Variants in TRAM2 observed in about 807,000 individuals in gnomAD.
TRAM2 encodes translocating chain-associated membrane protein 2.
A neutral mutation model predicts 51.0 loss-of-function variants in TRAM2; 12 were observed. The ratio of observed to expected loss-of-function variants is 0.24; its 90% CI spans 0.15 to 0.38. The LOEUF is 0.38. TRAM2 is among the 10% of genes least tolerant of loss of function. TRAM2 has a pLI of 1.00. For synonymous variants in TRAM2, 175 were observed against 179.4 expected, an observed-to-expected ratio of 0.98 and a Z score of 0.20; for missense variants, 361 against 462.0, an observed-to-expected ratio of 0.78 and a Z score of 2.00.
chr6:52,513,428 C>A (rs1766488174), intron 4 of TRAM2, among the ~76,000 whole-genome samples: 1 of 152,134 alleles, frequency 6.6e-6, no homozygotes, highest in Admixed American at 6.5e-5. Flanking sequence ...GCAGTGAGCA[C>A]CGTGCCTGCT....
chr6:52,504,792 G>C, intron 9 of TRAM2, 38 bp from the exon 10 acceptor site: 1 of 1,554,628 alleles, frequency 6.4e-7, no homozygotes, highest in Non-Finnish European at 8.7e-7. Context: ...GCTGGGGCTT[G>C]GGCTCACAGC....
intron 1 of TRAM2, among the ~76,000 whole-genome samples, chr6:52,537,733 C>A (rs1767001209): frequency 6.6e-6 from 1 of 152,122 alleles, no homozygotes; most frequent in Admixed American, 6.5e-5. Context: ...CCGTCCCGTT[C>A]CCATTTATCC....
chr6:52,522,835 C>T, intron 2 of TRAM2: 1 of 693,908 alleles, frequency 1.4e-6, no homozygotes, highest in Non-Finnish European at 2.6e-6. Context: ...TGCTTGACCT[C>T]CTGCTCCGTT....
At chr6:52,529,715 C>T (rs1032042586) in intron 2 of TRAM2, 1 of 152,182 alleles carries the variant, frequency 6.6e-6, no homozygotes, top group Non-Finnish European at 1.5e-5. Context: ...TCACCCAAGA[C>T]CATTCAGCGT....
chr6:52,570,647 T>C (rs1477251394), intron 1 of TRAM2, among the ~76,000 whole-genome samples: 1 of 152,050 alleles, frequency 6.6e-6, no homozygotes. Flanking sequence ...AGATGTAAAG[T>C]GCTGCCAGCC....
chr6:52,503,280 GGA>G lies in TRAM2; in HGVS notation c.1040-12_1040-11del. The G allele has an allele frequency of 1.9e-6, 3 of 1,612,872 alleles. No individual in the cohort carries two copies. The highest frequency in any genetic ancestry group is 1.7e-5 in the Admixed American group (1 of 60,032). ...CCATTTTCATGGTAACCTGGGAAGT[GGA>G]GAGAGACAAGCATACATGGTGTTTC... On this transcript the variant is annotated splice_polypyrimidine_tract_variant and intron_variant, in intron 10 of 10. Coordinates refer to ENST00000182527, the MANE Select transcript of TRAM2 (RefSeq NM_012288.4).
At chr6:52,530,392 A>G (rs1304450170) in intron 2 of TRAM2, among the ~76,000 whole-genome samples, 1 of 152,226 alleles carries the variant, frequency 6.6e-6, no homozygotes, top group Admixed American at 6.5e-5. Context: ...TCATAAATTT[A>G]TAGCTGGTGT....
chr6:52,504,130 CTA>C (rs1230668065), intron 10 of TRAM2, among the ~76,000 whole-genome samples: 142 of 152,220 alleles, frequency 9.3e-4, no homozygotes, highest in Admixed American at 8.4e-3. Flanking sequence ...CCACCTAGCA[CTA>C]TGTCACTGTG....
At chr6:52,549,588 T>C (rs908503131) in intron 1 of TRAM2, among the ~76,000 whole-genome samples, 1 of 152,200 alleles carries the variant, frequency 6.6e-6, no homozygotes, top group South Asian at 2.1e-4. Flanking sequence ...AAGAAAGCCA[T>C]TTCCTGTTGG....
At chr6:52,551,453 T>A (rs1767306638) in intron 1 of TRAM2, among the ~76,000 whole-genome samples, 1 of 152,108 alleles carries the variant, frequency 6.6e-6, no homozygotes, top group East Asian at 1.9e-4. Flanking sequence ...TCTAACGTTT[T>A]CAGGATAGAG....
intron 1 of TRAM2, among the ~76,000 whole-genome samples, chr6:52,544,771 T>A (rs1767168211): frequency 6.6e-6 from 1 of 152,196 alleles, no homozygotes; most frequent in Non-Finnish European, 1.5e-5. Context: ...ATATTCAGAA[T>A]CATCTTCAAA....
intron 2 of TRAM2, among the ~76,000 whole-genome samples, chr6:52,532,936 A>G (rs1766916920): frequency 6.6e-6 from 1 of 152,200 alleles, no homozygotes; most frequent in South Asian, 2.1e-4. Context: ...TAAGAGTTAT[A>G]TATCACTCAT....
chr6:52,572,090 G>C (rs963652403), intron 1 of TRAM2, among the ~76,000 whole-genome samples: 2 of 152,166 alleles, frequency 1.3e-5, no homozygotes, highest in East Asian at 3.9e-4. Flanking sequence ...AGAAAATCTA[G>C]CTCCAAATTT....
chr6:52,542,247 G>C (rs1275126972), intron 1 of TRAM2, among the ~76,000 whole-genome samples: 1 of 148,966 alleles, frequency 6.7e-6, no homozygotes, highest in African/African-American at 2.5e-5. Context: ...CAATTGGTGG[G>C]GAAGAGATTT....
chr6:52,547,915 T>C (rs1767236203), intron 1 of TRAM2, among the ~76,000 whole-genome samples: 1 of 152,192 alleles, frequency 6.6e-6, no homozygotes. Flanking sequence ...GCCATAACCA[T>C]GGGGCAATTC....
chr6:52,527,111 GGCTC>G (rs1363951388), intron 2 of TRAM2, among the ~76,000 whole-genome samples: 1 of 152,076 alleles, frequency 6.6e-6, no homozygotes, highest in Non-Finnish European at 1.5e-5. Flanking sequence ...TGGGCATGGT[GGCTC>G]ACACCTGTAA....
intron 1 of TRAM2, among the ~76,000 whole-genome samples, chr6:52,553,681 G>C (rs936770865): frequency 6.6e-6 from 1 of 152,166 alleles, no homozygotes. Flanking sequence ...CCAGATTTTG[G>C]ATTCAGAAAG....
At chr6:52,520,471 T>C (rs1389077659) in intron 2 of TRAM2, among the ~76,000 whole-genome samples, 1 of 152,212 alleles carries the variant, frequency 6.6e-6, no homozygotes, top group Non-Finnish European at 1.5e-5. Context: ...GGGCGTCGGA[T>C]AGAGTCAGTG....
intron 9 of TRAM2, among the ~76,000 whole-genome samples, chr6:52,505,010 A>G (rs891533152): frequency 1.3e-5 from 2 of 152,242 alleles, no homozygotes; most frequent in African/African-American, 4.8e-5. Context: ...CAGCTCTACA[A>G]TCACGCTACT....
Sources: allele counts gnomAD v4.1 joint callset (sites outside exome capture counted in the v4.1 genomes callset), GRCh38; gene constraint gnomAD v4.1.1; transcripts MANE v1.5; gene names NCBI Gene and HGNC (gene_info 2026-07-23, HGNC 2026-07-21).